Variants in KDM7A observed in about 807,000 individuals in gnomAD.
KDM7A encodes the protein lysine demethylase 7A.
KDM7A carries 28 observed loss-of-function variants against 114.8 expected under a neutral mutation model. The ratio of observed to expected loss-of-function variants is 0.24; its 90% confidence interval spans 0.18 to 0.33. The LOEUF is 0.33. KDM7A is among the 10% of genes least tolerant of loss of function. The pLI, the probability that KDM7A is intolerant of heterozygous loss-of-function variation, is 1.00. For missense variants in KDM7A, 942 were observed against 1,142.5 expected, an observed-to-expected ratio of 0.82 and a Z score of 2.53; for synonymous variants, 423 against 397.8, an observed-to-expected ratio of 1.06 and a Z score of -0.75.
intron 3 of KDM7A, among the ~76,000 whole-genome samples, chr7:140,131,478 T>G (rs1221044750): frequency 6.6e-6 from 1 of 152,196 alleles, no homozygotes; most frequent in Non-Finnish European, 1.5e-5. Context: ...AGATGCTGGT[T>G]CTCTGAATTA....
chr7:140,107,710 T>C (rs1262729592), intron 11 of KDM7A, among the ~76,000 whole-genome samples: 2 of 152,240 alleles, frequency 1.3e-5, no homozygotes, highest in Admixed American at 1.3e-4. Context: ...TAACATTTTT[T>C]CCTTCATTTC....
chr7:140,166,041 C>A (rs1166496316), intron 1 of KDM7A, among the ~76,000 whole-genome samples: 2 of 152,152 alleles, frequency 1.3e-5, no homozygotes, highest in African/African-American at 2.4e-5. Flanking sequence ...TGTTGTTAAT[C>A]TCTTACTGTG....
At chr7:140,153,629 A>C (rs1794426053) in intron 1 of KDM7A, among the ~76,000 whole-genome samples, 1 of 152,232 alleles carries the variant, frequency 6.6e-6, no homozygotes, top group Non-Finnish European at 1.5e-5. Context: ...GTTGGTTATA[A>C]TGTACAGAGA....
intron 9 of KDM7A, among the ~76,000 whole-genome samples, chr7:140,114,059 G>A (rs1310595416): frequency 2.0e-5 from 3 of 152,222 alleles, no homozygotes; most frequent in Non-Finnish European, 2.9e-5. Context: ...GGGTGTAACT[G>A]TCACTAATAA....
intron 1 of KDM7A, among the ~76,000 whole-genome samples, chr7:140,142,956 C>G (rs374405250): frequency 2.0e-5 from 3 of 151,568 alleles, no homozygotes; most frequent in Admixed American, 6.6e-5. Flanking sequence ...TCAAGGCGGG[C>G]GGATCACGAG....
chr7:140,124,787 A>G lies in KDM7A; in HGVS notation c.889-4T>C. 1 of 1,589,888 alleles carries G rather than the reference A, an allele frequency of 6.3e-7. No homozygotes were observed. The highest frequency in any genetic ancestry group is 8.6e-7 in the Non-Finnish European group (1 of 1,164,178). On this transcript the variant is annotated splice_region_variant and splice_polypyrimidine_tract_variant and intron_variant, in intron 6 of 19. Transcript: ENST00000397560. ...TTAAATAAAAAATCTTCTCACCCTA[A>G]AAGGAAGTATCATACTATTTTTGAA...
At chr7:140,134,006 T>A (rs1428969985) in intron 2 of KDM7A, among the ~76,000 whole-genome samples, 1 of 152,246 alleles carries the variant, frequency 6.6e-6, no homozygotes, top group African/African-American at 2.4e-5. Context: ...GGTCCTAATA[T>A]GATTATCCAG....
intron 11 of KDM7A, among the ~76,000 whole-genome samples, chr7:140,104,566 T>G (rs1818294505): frequency 6.6e-6 from 1 of 152,222 alleles, no homozygotes; most frequent in African/African-American, 2.4e-5. Flanking sequence ...AGGGAATCGT[T>G]TCCCCATTGC....
Position 140,129,623 on chromosome 7 carries a change from G to T in KDM7A, c.429C>A (p.Gly143=). 1 of 1,609,498 alleles carries T rather than the reference G, an allele frequency of 6.2e-7. No individual in the cohort carries two copies. Among genetic ancestry groups the T allele is most frequent in the Non-Finnish European group, 8.5e-7 (1 of 1,176,168 alleles). Residue 143 remains glycine, a synonymous_variant, in exon 4 of 20, where the codon GGC becomes GGA. Coordinates refer to ENST00000397560, the MANE Select transcript of KDM7A (RefSeq NM_030647.2). The part of the protein sequence containing the change: ...SADEIIIKMH[G]SQLTQRYLEK... ...CCAGATATCTTTGTGTCAGCTGGCT[G>T]CCATGCATCTTTATAATTATTTCAT...
chr7:140,144,773 T>C (rs1794322587), intron 1 of KDM7A, among the ~76,000 whole-genome samples: 1 of 151,266 alleles, frequency 6.6e-6, no homozygotes. Flanking sequence ...ATGTTGGAGG[T>C]GGAGCCCGGT....
At chr7:140,101,887 A>G in intron 12 of KDM7A, 64 bp downstream of exon 12, 1 of 1,028,014 alleles carries the variant, frequency 9.7e-7, no homozygotes, top group Non-Finnish European at 1.5e-6. Context: ...TTCTCTTATT[A>G]TCCCTATAAA....
Position 140,102,089 on chromosome 7 carries a change from T to C in KDM7A, c.1500A>G (p.Glu500=). The stretch of plus-strand genomic sequence containing the variant: ...TTCGGGAATGGTATGGGGAAGTTGC[T>C]TCATTTGAGGATCGTGAAACTGGAC... The part of the protein sequence containing the change: ...IVCPVSRSSN[E]ATSPYHSRRK... The change falls in exon 12 of 20, where the codon GAA becomes GAG. Residue 500 remains glutamate (E), a synonymous_variant. Transcript: ENST00000397560. 1 of 1,614,040 alleles carries C rather than the reference T, an allele frequency of 6.2e-7. No homozygotes were observed. The highest frequency in any genetic ancestry group is 1.3e-5 in the African/African-American group (1 of 75,034).
At chr7:140,129,677 A>G in intron 3 of KDM7A, 24 bp from the exon 4 acceptor site, 1 of 1,544,534 alleles carries the variant, frequency 6.5e-7, no homozygotes, top group Non-Finnish European at 8.9e-7. Context: ...TAAGAATAAA[A>G]ATGTCATTTT....
chr7:140,125,554 G>T (rs975528292), intron 6 of KDM7A, among the ~76,000 whole-genome samples: 2 of 152,162 alleles, frequency 1.3e-5, no homozygotes, highest in Non-Finnish European at 2.9e-5. Flanking sequence ...AATATAAATT[G>T]CAAATAACTG....
rs752495055 is a variant in KDM7A at position 140,099,913 on chromosome 7, A to G, written c.1749T>C (p.Asn583=). The change falls in exon 13 of 20, where the codon AAT becomes AAC. Residue 583 remains asparagine, a synonymous_variant. Transcript: ENST00000397560. ...KDNDLRLLLT[N]GRIIKDERQP... is the part of the protein sequence containing the mutation. ...ACTTTACATACTTAATTATTCTTCC[A>G]TTTGTCAGCAGTAATCGTAGATCAT... is the stretch of plus-strand genomic sequence containing the variant. The G allele has an allele frequency of 6.2e-7, 1 of 1,610,352 alleles. No homozygotes were observed. Among genetic ancestry groups the G allele is most frequent in the Admixed American group, 1.7e-5 (1 of 60,022 alleles).
At chr7:140,136,007 T>C (rs545607141) in intron 2 of KDM7A, among the ~76,000 whole-genome samples, 2 of 152,286 alleles carry the variant, frequency 1.3e-5, no homozygotes, top group South Asian at 2.1e-4. Flanking sequence ...TCACCCAGGC[T>C]GGAGTACAGT....
At chr7:140,125,768 C>T (rs925509759) in intron 6 of KDM7A, among the ~76,000 whole-genome samples, 1 of 151,976 alleles carries the variant, frequency 6.6e-6, no homozygotes, top group Non-Finnish European at 1.5e-5. Context: ...CAGGTTCTTG[C>T]TCTGTTGCCC....
intron 1 of KDM7A, among the ~76,000 whole-genome samples, chr7:140,149,923 T>C (rs976256581): frequency 6.6e-6 from 1 of 152,220 alleles, no homozygotes; most frequent in Non-Finnish European, 1.5e-5. Flanking sequence ...CATAACAGTA[T>C]GTATGTGAAG....
intron 1 of KDM7A, among the ~76,000 whole-genome samples, chr7:140,159,616 G>A (rs1452451133): frequency 6.6e-6 from 1 of 152,234 alleles, no homozygotes; most frequent in African/African-American, 2.4e-5. Context: ...TGAGATTCCT[G>A]AGAAGTTGAT....
Sources: gnomAD v4.1 joint callset for allele counts (sites outside exome capture counted in the v4.1 genomes callset) on GRCh38, gnomAD v4.1.1 for gene constraint, MANE v1.5 for transcripts, NCBI Gene and HGNC (gene_info 2026-07-23, HGNC 2026-07-21) for gene names.